PPL: variants seen among roughly 807,000 people sequenced by gnomAD.
PPL encodes the protein 190 kDa paraneoplastic pemphigus antigen.
Under a neutral mutation model 194.4 loss-of-function variants are expected in PPL, and 198 were observed. The observed-to-expected ratio is 1.02, with a 90% CI of 0.91 to 1.15. The LOEUF (loss-of-function observed/expected upper bound fraction) is 1.15, where lower values mean the gene tolerates loss of function less well. Among genes scored for constraint, PPL ranks in the 50% most tolerant of loss-of-function variants. The pLI is 0.00. For missense variants in PPL, 2,885 were observed against 2,294.8 expected, an observed-to-expected ratio of 1.26 and a Z score of -5.25; for synonymous variants, 1,220 against 972.4, an observed-to-expected ratio of 1.25 and a Z score of -4.74.
chr16:4,921,754 A>G (rs1046395838), intron 1 of PPL, among the ~76,000 whole-genome samples: 2 of 152,026 alleles, frequency 1.3e-5, no homozygotes, highest in African/African-American at 4.8e-5. Flanking sequence ...GGTGTGTACC[A>G]CTGTGCCTGG....
intron 1 of PPL, among the ~76,000 whole-genome samples, chr16:4,933,601 ATG>A (rs1006965520): frequency 2.6e-5 from 4 of 152,178 alleles, no homozygotes; most frequent in African/African-American, 9.6e-5. Flanking sequence ...GTCACAAAGT[ATG>A]TGAGTGGCCA....
Position 4,882,682 on chromosome 16 carries a change from A to T in PPL, c.*702T>A, listed in dbSNP as rs904805432. 1 of 152,292 alleles carries T rather than the reference A, an allele frequency of 6.6e-6. No individual in the cohort carries two copies. The highest frequency in any genetic ancestry group is 1.5e-5 in the Non-Finnish European group (1 of 68,082). 9.4% of individuals were successfully genotyped at this position (152,292 alleles called of 1,614,324 possible). ...AGTGAGATAATAAGCGAGACTTGTA[A>T]AGCACTGAAACTAAGGCTAACAGCA... On this transcript the variant is annotated 3_prime_UTR_variant, in exon 22 of 22. Coordinates refer to ENST00000345988, the MANE Select transcript of PPL (RefSeq NM_002705.5).
intron 1 of PPL, among the ~76,000 whole-genome samples, chr16:4,924,504 C>T (rs990417711): frequency 2.6e-5 from 4 of 152,316 alleles, no homozygotes; most frequent in African/African-American, 9.6e-5. Context: ...TCCAGTCTCA[C>T]TCGGTGCCTG....
chr16:4,935,254 T>C (rs1264487039), intron 1 of PPL, among the ~76,000 whole-genome samples: 6 of 152,088 alleles, frequency 3.9e-5, no homozygotes, highest in Non-Finnish European at 8.8e-5. Flanking sequence ...TTAGAACCTT[T>C]TGTTAGGTCC....
chr16:4,927,311 G>A (rs962954604), intron 1 of PPL, among the ~76,000 whole-genome samples: 7 of 152,200 alleles, frequency 4.6e-5, no homozygotes, highest in Admixed American at 3.9e-4. Flanking sequence ...ATATCTCAAA[G>A]ACAAGAGGGA....
intron 1 of PPL, among the ~76,000 whole-genome samples, chr16:4,922,418 T>A (rs979650389): frequency 2.6e-5 from 4 of 152,060 alleles, no homozygotes; most frequent in Non-Finnish European, 5.9e-5. Context: ...TCCCAGCACT[T>A]TGGGAGGCTG....
chr16:4,902,293 C>A lies in PPL; in HGVS notation c.438+113G>T. 1.3e-6 allele frequency: 2 copies of A among 1,493,232 alleles called. No homozygotes were observed. Among genetic ancestry groups the A allele is most frequent in the Non-Finnish European group, 9.0e-7 (1 of 1,107,546 alleles). 92.5% of individuals were successfully genotyped at this position (1,493,232 alleles called of 1,614,324 possible). The stretch of plus-strand genomic sequence containing the variant: ...CACTGGAAAACCATCAGGACCACGA[C>A]TGTCTCCCTGGTAAGACCCGGGATG... On this transcript the variant is annotated intron_variant, in intron 4 of 21. Coordinates refer to ENST00000345988, the MANE Select transcript of PPL (RefSeq NM_002705.5). This position sits in a 1 kb window ranked among gnomAD's most constrained non-coding sequence, Gnocchi z 4.0.
chr16:4,891,721 T>C (rs1596547877), intron 16 of PPL, 90 bp downstream of exon 16: 2 of 1,457,874 alleles, frequency 1.4e-6, no homozygotes. Flanking sequence ...TGGATGCTGG[T>C]GTCCTCATCT....
intron 1 of PPL, among the ~76,000 whole-genome samples, chr16:4,932,352 T>C (rs1327894349): frequency 6.6e-6 from 1 of 151,900 alleles, no homozygotes; most frequent in Non-Finnish European, 1.5e-5. Flanking sequence ...GATGGGTGCA[T>C]GTGCGTGTCT....
At chr16:4,936,267 C>G (rs1596596561) in intron 1 of PPL, among the ~76,000 whole-genome samples, 1 of 152,170 alleles carries the variant, frequency 6.6e-6, no homozygotes, top group East Asian at 1.9e-4. Flanking sequence ...GAGGAGGCCC[C>G]GAAGCCGCCC....
Position 4,890,758 on chromosome 16 carries a change from A to T in PPL, c.2132T>A (p.Phe711Tyr). 1 of 1,608,858 alleles carries T rather than the reference A, an allele frequency of 6.2e-7. No homozygotes were observed. Among genetic ancestry groups the T allele is most frequent in the Non-Finnish European group, 8.5e-7 (1 of 1,178,258 alleles). Residue 711 changes from phenylalanine to tyrosine, a missense_variant, in exon 17 of 22, where the codon TTC becomes TAC. Transcript: ENST00000345988. ...TTCCACCTGCTGGCGCAGGTTGTTG[A>T]AACGCTGGCCCAGCTTGTGCACCTC... ...EAEVHKLGQRFNNLRQQVERR... is the reference protein window; with the variant it reads ...EAEVHKLGQRYNNLRQQVERR...
At chr16:4,932,638 G>T (rs1413644633) in intron 1 of PPL, among the ~76,000 whole-genome samples, 1 of 152,056 alleles carries the variant, frequency 6.6e-6, no homozygotes, top group Non-Finnish European at 1.5e-5. Flanking sequence ...GGCTGGTCTT[G>T]AACTCCTGAC....
chr16:4,904,183 G>A (rs1186667103), intron 2 of PPL, 143 bp from the exon 3 acceptor site: 2 of 865,280 alleles, frequency 2.3e-6, no homozygotes, highest in East Asian at 5.3e-5. Context: ...TCCATATGGA[G>A]CGCAGTCGGT....
chr16:4,904,180 G>A (rs1366232683), intron 2 of PPL, 140 bp from the exon 3 acceptor site: 1 of 892,336 alleles, frequency 1.1e-6, no homozygotes, highest in African/African-American at 1.7e-5. Flanking sequence ...TTGTCCATAT[G>A]GAGCGCAGTC....
chr16:4,898,359 C>T (rs538628703), intron 8 of PPL, among the ~76,000 whole-genome samples: 22 of 152,284 alleles, frequency 1.4e-4, no homozygotes, highest in African/African-American at 5.1e-4. Flanking sequence ...GCCTGGGCAA[C>T]AACAGCGAAA....
Position 4,903,893 on chromosome 16 carries a change from C to A in PPL, c.310G>T (p.Ala104Ser), listed in dbSNP as rs370945933. ...GAAGCAGAAGGGACCTACTCCTCGG[C>A]GATCATGTCCCCCTGTGGGTGCTTC... ...HMKHPQGDMI[A>S]EDIRQLKERV... Residue 104 changes from alanine (A) to serine (S), a missense_variant, in exon 3 of 22, where the codon GCC (alanine) becomes TCC (serine). Coordinates refer to ENST00000345988, the MANE Select transcript of PPL (RefSeq NM_002705.5). 6.2e-7 allele frequency: 1 copy of A among 1,613,992 alleles called. No homozygotes were observed. The highest frequency in any genetic ancestry group is 8.5e-7 in the Non-Finnish European group (1 of 1,180,018).
chr16:4,883,699 G>A lies in PPL; in HGVS notation c.4956C>T (p.Asn1652=), dbSNP rs923052126. The A allele has an allele frequency of 6.2e-7, 1 of 1,614,040 alleles. No homozygotes were observed. Among genetic ancestry groups the A allele is most frequent in the Non-Finnish European group, 8.5e-7 (1 of 1,180,002 alleles). ...SVAVKREQRE[N]HLRRSIVVIH... ...TGACTACGATGGAGCGCCGCAGGTG[G>A]TTCTCCCGCTGCTCCCGCTTGACGG... The change falls in exon 22 of 22, where the codon AAC becomes AAT. Residue 1652 remains asparagine (N), a synonymous_variant. Coordinates refer to ENST00000345988, the MANE Select transcript of PPL (RefSeq NM_002705.5). The surrounding 1 kb of genome is among the most constrained non-coding windows in gnomAD (Gnocchi z 4.8).
At chr16:4,927,250 G>A (rs2089171287) in intron 1 of PPL, among the ~76,000 whole-genome samples, 1 of 152,196 alleles carries the variant, frequency 6.6e-6, no homozygotes, top group African/African-American at 2.4e-5. Flanking sequence ...AATAAAGAAT[G>A]GAGAGTGACA....
At chr16:4,922,849 G>A (rs539978012) in intron 1 of PPL, among the ~76,000 whole-genome samples, 51 of 152,282 alleles carry the variant, frequency 3.3e-4, no homozygotes, top group Admixed American at 5.9e-4. Context: ...GCCGGGGCAC[G>A]TGGAATTCAC....
Sources: gnomAD v4.1 joint callset for allele counts (sites outside exome capture counted in the v4.1 genomes callset) on GRCh38, gnomAD v4.1.1 for gene constraint, Gnocchi (gnomAD v3.1) non-coding constraint, MANE v1.5 for transcripts, NCBI Gene and HGNC (gene_info 2026-07-23, HGNC 2026-07-21) for gene names.